Variants in DGKH observed in about 807,000 individuals in gnomAD.
DGKH encodes the protein DAG kinase eta.
Under a neutral mutation model 159.3 loss-of-function variants are expected in DGKH, and 90 were observed. The ratio of observed to expected loss-of-function variants is 0.57; its 90% confidence interval spans 0.48 to 0.67. The LOEUF (loss-of-function observed/expected upper bound fraction) is 0.67, where lower values mean the gene tolerates loss of function less well. Among genes scored for constraint, DGKH ranks in the 30% least tolerant of loss-of-function variants. The pLI is 0.00. For missense variants in DGKH, 1,181 were observed against 1,506.1 expected (o/e 0.78, Z 3.57); for synonymous variants, 536 against 553.8 (o/e 0.97, Z 0.45).
At chr13:42,040,422 G>A (rs1403204260) in intron 1 of DGKH, among the ~76,000 whole-genome samples, 1 of 151,924 alleles carries the variant, frequency 6.6e-6, no homozygotes, top group Non-Finnish European at 1.5e-5. Flanking sequence ...ACCACCCGGC[G>A]GCCGCTTTCG....
chr13:42,126,893 T>C (rs949470821), intron 1 of DGKH, among the ~76,000 whole-genome samples: 2 of 152,212 alleles, frequency 1.3e-5, no homozygotes, highest in Admixed American at 1.3e-4. Context: ...AAATAACACC[T>C]GGCTGATGGT....
intron 1 of DGKH, among the ~76,000 whole-genome samples, chr13:42,115,422 TA>T (rs530560656): frequency 1.3e-5 from 2 of 151,794 alleles, no homozygotes; most frequent in African/African-American, 2.4e-5. Context: ...ACCCAGGCAT[TA>T]AAAAAAATCC....
intron 1 of DGKH, among the ~76,000 whole-genome samples, chr13:42,064,551 C>T (rs959582432): frequency 3.3e-5 from 5 of 151,880 alleles, no homozygotes; most frequent in Non-Finnish European, 5.9e-5. Context: ...AGTGAGGGCT[C>T]GAGTCAGGTC....
chr13:42,092,406 A>G (rs1025468248), intron 1 of DGKH, among the ~76,000 whole-genome samples: 5 of 89,848 alleles, frequency 5.6e-5, no homozygotes, highest in African/African-American at 3.0e-4. Context: ...TTATTCAGCC[A>G]TGCAGCCATG....
At chr13:42,143,261 G>A (rs1203734597) in intron 3 of DGKH, among the ~76,000 whole-genome samples, 1 of 152,148 alleles carries the variant, frequency 6.6e-6, no homozygotes, top group Non-Finnish European at 1.5e-5. Flanking sequence ...CTTGATCATG[G>A]TGGATAAGCT....
intron 1 of DGKH, among the ~76,000 whole-genome samples, chr13:42,073,261 T>C (rs960824933): frequency 1.3e-5 from 2 of 152,240 alleles, no homozygotes; most frequent in African/African-American, 4.8e-5. Context: ...TTCTTTGTTT[T>C]CTTTGCCATT....
intron 1 of DGKH, among the ~76,000 whole-genome samples, chr13:42,062,561 C>T (rs1248425101): frequency 1.3e-5 from 2 of 152,118 alleles, no homozygotes; most frequent in Admixed American, 1.3e-4. Context: ...TCTAGCTTTC[C>T]TTGGGGGAAC....
intron 1 of DGKH, among the ~76,000 whole-genome samples, chr13:42,126,692 G>A (rs1321260127): frequency 6.6e-6 from 1 of 152,148 alleles, no homozygotes; most frequent in African/African-American, 2.4e-5. Context: ...CTTTGAAGAT[G>A]CCTCAAATAT....
At chr13:42,139,843 G>C (rs1169288208) in intron 3 of DGKH, among the ~76,000 whole-genome samples, 1 of 152,198 alleles carries the variant, frequency 6.6e-6, no homozygotes. Context: ...AGGCTATGCT[G>C]CCTGCCTTCA....
At position 42,150,181 on chromosome 13, in the gene DGKH, T is replaced by C. The variant is rs75173442; in HGVS notation, c.385-5110T>C. Among the ~76,000 whole-genome samples, 543 of 152,314 alleles carry C rather than the reference T, an allele frequency of 3.6e-3. 8 individuals carry two copies. In the East Asian group the frequency reaches 0.047, roughly 13 times the overall value. Reference sequence around the variant, plus strand: ...TATGATAGGAAAAATAATTTTGTTATTGGTAATCTGAAACTTTCTTTCCAT... The same window carrying C: ...TATGATAGGAAAAATAATTTTGTTACTGGTAATCTGAAACTTTCTTTCCAT... On this transcript the variant is annotated intron_variant, in intron 3 of 29. Transcript: ENST00000337343.
Position 42,135,507 on chromosome 13 carries a change from A to AAAAAAAAAAAAAAAAAAAAAG in DGKH, c.384+5876_384+5877insAAAAAAAAAAAAAAAAAAAGA, listed in dbSNP as rs71096557. Among the ~76,000 whole-genome samples, 214 of 113,334 alleles carry AAAAAAAAAAAAAAAAAAAAAG rather than the reference A, an allele frequency of 1.9e-3. 12 individuals carry two copies. The highest frequency in any genetic ancestry group is 3.6e-3 in the African/African-American group (127 of 35,196). 74.4% of individuals were successfully genotyped at this position (113,334 alleles called of 152,430 possible). On this transcript the variant is annotated intron_variant, in intron 3 of 29. Coordinates refer to ENST00000337343, the MANE Select transcript of DGKH (RefSeq NM_178009.5). ...CCTGTCTCAGAAAAAAAAAAAAAAA[A>AAAAAAAAAAAAAAAAAAAAAG]AGAGAGAGAGAGAAAAAGAAAAAAA... is the stretch of plus-strand genomic sequence containing the variant.
chr13:42,176,385 T>C (rs1472714952), intron 12 of DGKH, among the ~76,000 whole-genome samples: 1 of 152,188 alleles, frequency 6.6e-6, no homozygotes, highest in East Asian at 1.9e-4. Context: ...ATTTTTCTCA[T>C]CCTAGCTGTA....
chr13:42,223,452 T>G, intron 29 of DGKH, among the ~76,000 whole-genome samples: 1 of 152,134 alleles, frequency 6.6e-6, no homozygotes, highest in East Asian at 1.9e-4. Context: ...ATTAATTTAT[T>G]TTTATTTATA....
rs1244746565 is a variant in DGKH, at chr13:42,165,444, G to A, written c.958+11G>A. On this transcript the variant is annotated intron_variant, in intron 8 of 29. Transcript: ENST00000337343. ...GCACCGATTCCGATGGTATGTAGCA[G>A]TAGTGTAAGTACGTATATTTCTGGT... The A allele has an allele frequency of 2.1e-6, 3 of 1,423,850 alleles. No individual in the cohort carries two copies. The highest frequency in any genetic ancestry group is 2.9e-6 in the Non-Finnish European group (3 of 1,046,528). The allele number at this position is 1,423,850 out of a possible 1,614,324, so 88.2% of individuals were successfully genotyped here. A position where few individuals can be genotyped will look rare whatever the true frequency, so the allele number is the denominator to read the frequency against.
chr13:42,249,450 C>A (rs529979400), intron 29 of DGKH, among the ~76,000 whole-genome samples: 148 of 147,372 alleles, frequency 1.0e-3, no homozygotes, highest in African/African-American at 3.6e-3. Context: ...TGATTGTAAA[C>A]AAAAATACTG....
Position 42,239,565 on chromosome 13 carries a change from G to A in DGKH, c.*10377G>A, listed in dbSNP as rs747800365. On this transcript the variant is annotated 3_prime_UTR_variant, in exon 30 of 30. Transcript: ENST00000337343. The stretch of plus-strand genomic sequence containing the variant: ...TGTGTTTCTCATTAGTTGCAGTAAA[G>A]TGTTGATTTCATTGCTGCCTTTCAG... The A allele has an allele frequency of 6.6e-6, 1 of 152,536 alleles. No homozygotes were observed. Among genetic ancestry groups the A allele is most frequent in the African/African-American group, 2.4e-5 (1 of 41,440 alleles). The allele number at this position is 152,536 out of a possible 1,614,324, so 9.4% of individuals were successfully genotyped here. A position where few individuals can be genotyped will look rare whatever the true frequency, so the allele number is the denominator to read the frequency against.
rs1958241276 is a variant in DGKH at position 42,229,752 on chromosome 13, G to A, written c.*564G>A. 6.6e-6 allele frequency: 1 copy of A among 152,336 alleles called. No individual in the cohort carries two copies. Among genetic ancestry groups the A allele is most frequent in the Admixed American group, 6.5e-5 (1 of 15,268 alleles). 9.4% of individuals were successfully genotyped at this position (152,336 alleles called of 1,614,324 possible). Reference sequence around the variant, plus strand: ...TGAATGAATGCAAATCTTAATGCACGATGTTCCTGCCTGAAATGTCTTTCT... The same window carrying A: ...TGAATGAATGCAAATCTTAATGCACAATGTTCCTGCCTGAAATGTCTTTCT... On this transcript the variant is annotated 3_prime_UTR_variant, in exon 30 of 30. Coordinates refer to ENST00000337343, the MANE Select transcript of DGKH (RefSeq NM_178009.5).
Position 42,198,518 on chromosome 13 carries a change from G to C in DGKH, c.2208G>C (p.Ser736=). The C allele has an allele frequency of 6.2e-7, 1 of 1,613,772 alleles. No homozygotes were observed. The highest frequency in any genetic ancestry group is 8.5e-7 in the Non-Finnish European group (1 of 1,179,830). The change falls in exon 18 of 30, where the codon TCG becomes TCC. Residue 736 remains serine, a synonymous_variant. Transcript: ENST00000337343. ...TGGCTGCCTCAATTGCTGGGAGTTC[G>C]ATTATCAACAAAATGTTACTGGCAA... ...AGLAASIAGS[S]IINKMLLANI...
chr13:42,248,432 ATAT>A (rs1566238512), intron 29 of DGKH, among the ~76,000 whole-genome samples: 2 of 144,676 alleles, frequency 1.4e-5, no homozygotes, highest in African/African-American at 5.2e-5. Context: ...TCTCAAAAAA[ATAT>A]ATATATAATA....
Sources: gnomAD v4.1 joint callset for allele counts (sites outside exome capture counted in the v4.1 genomes callset) on GRCh38, gnomAD v4.1.1 for gene constraint, MANE v1.5 for transcripts, NCBI Gene and HGNC (gene_info 2026-07-23, HGNC 2026-07-21) for gene names.